Variants in IQGAP2 observed in about 807,000 individuals in gnomAD.
IQGAP2 encodes IQ motif containing GTPase activating protein 2.
In IQGAP2, 173 loss-of-function variants were observed where a neutral mutation model predicts 201.3. The ratio of observed to expected loss-of-function variants is 0.86; its 90% CI spans 0.76 to 0.98. The LOEUF (loss-of-function observed/expected upper bound fraction) is 0.98, where lower values mean the gene tolerates loss of function less well. Ranked by LOEUF, IQGAP2 falls within the 50% of genes least tolerant of loss-of-function variation. The probability of loss-of-function intolerance (pLI) is 0.00; values close to 1 mark genes in which losing one functional copy is unlikely to be tolerated. For missense variants in IQGAP2, 1,687 were observed against 1,864.8 expected (o/e 0.90, Z 1.76); for synonymous variants, 675 against 673.9 (o/e 1.00, Z -0.03).
At chr5:76,461,532 G>T in intron 1 of IQGAP2, 38 bp from the exon 2 acceptor site, 1 of 1,444,752 alleles carries the variant, frequency 6.9e-7, no homozygotes, top group Non-Finnish European at 9.7e-7. Flanking sequence ...AATGAAGACT[G>T]CCTTTGTAAA....
Position 76,546,453 on chromosome 5 carries a change from A to C in IQGAP2, c.147-15943A>C, listed in dbSNP as rs1743101198. ...CCATTTCAAAAAAACAAAACAATAC[A>C]CCACTTTTTATTTGTAGTGCACTAT... On this transcript the variant is annotated intron_variant, in intron 2 of 35. Transcript: ENST00000274364. Among the ~76,000 whole-genome samples the C allele has an allele frequency of 4.0e-5, 6 of 151,688 alleles. 1 individual carries two copies. The South Asian group carries it at 1.3e-3, about 32-fold the overall frequency.
chr5:76,587,939 C>CT (rs1746364413), intron 5 of IQGAP2, among the ~76,000 whole-genome samples: 2 of 145,390 alleles, frequency 1.4e-5, no homozygotes, highest in African/African-American at 5.1e-5. Context: ...GAGCAAGACT[C>CT]TGTCTCAACC....
intron 1 of IQGAP2, among the ~76,000 whole-genome samples, chr5:76,430,619 G>T (rs946985801): frequency 1.3e-5 from 2 of 152,144 alleles, no homozygotes; most frequent in Non-Finnish European, 2.9e-5. Context: ...GCTATTGCAC[G>T]TCTCCCCAGA....
intron 20 of IQGAP2, among the ~76,000 whole-genome samples, chr5:76,657,485 T>C (rs1561558473): frequency 6.6e-6 from 1 of 152,240 alleles, no homozygotes. Context: ...TTAGTTTTCT[T>C]ACTCCTTTAG....
chr5:76,483,863 C>T (rs1365574861), intron 2 of IQGAP2, among the ~76,000 whole-genome samples: 1 of 152,182 alleles, frequency 6.6e-6, no homozygotes, highest in Admixed American at 6.5e-5. Context: ...ACAGACAGCT[C>T]CTTAGCCTCT....
rs1554058994 is a variant in IQGAP2, at chr5:76,471,373, A to AACC, written c.146+9705_146+9706insCCA. Among the ~76,000 whole-genome samples, 152 of 107,538 alleles carry AACC rather than the reference A, an allele frequency of 1.4e-3. 1 individual carries two copies. The highest frequency in any genetic ancestry group is 4.8e-3 in the African/African-American group (145 of 30,286). The allele number at this position is 107,538 out of a possible 152,430, so 70.5% of individuals were successfully genotyped here. ...CTGAAAATAAACTAAGCAAAAAAAA[A>AACC]AAAAAAAAAAAAACACCCTTCCCTT... is the stretch of plus-strand genomic sequence containing the variant. On this transcript the variant is annotated intron_variant, in intron 2 of 35. Transcript: ENST00000274364.
At chr5:76,504,895 T>C (rs1373175325) in intron 2 of IQGAP2, among the ~76,000 whole-genome samples, 2 of 152,200 alleles carry the variant, frequency 1.3e-5, no homozygotes, top group Non-Finnish European at 2.9e-5. Flanking sequence ...CTCACTAGCC[T>C]GATTTCCAGC....
chr5:76,535,285 C>G (rs1202201873), intron 2 of IQGAP2, among the ~76,000 whole-genome samples: 1 of 151,884 alleles, frequency 6.6e-6, no homozygotes, highest in African/African-American at 2.4e-5. Flanking sequence ...TGCAGTGATA[C>G]AGGTGAGGGA....
intron 17 of IQGAP2, among the ~76,000 whole-genome samples, chr5:76,644,315 T>TTTTTTTTTTTTTTTTTTTTTTTTTTA (rs1751853548): frequency 7.5e-6 from 1 of 133,252 alleles, no homozygotes. Context: ...TTTTTTTTTT[T>TTTTTTTTTTTTTTTTTTTTTTTTTTA]TTGAGACAGA....
chr5:76,707,535 G>C lies in IQGAP2; in HGVS notation c.*222G>C, dbSNP rs968226236. The stretch of plus-strand genomic sequence containing the variant: ...GAATTAATGGAAACATATCCACACT[G>C]TACTGTGATATAGGTACTCTGATTT... On this transcript the variant is annotated 3_prime_UTR_variant, in exon 36 of 36. Transcript: ENST00000274364. 8.2e-6 allele frequency: 4 copies of C among 485,164 alleles called. No individual in the cohort carries two copies. Among genetic ancestry groups the C allele is most frequent in the Non-Finnish European group, 1.5e-5 (4 of 274,496 alleles). 30.1% of individuals were successfully genotyped at this position (485,164 alleles called of 1,614,324 possible).
intron 4 of IQGAP2, among the ~76,000 whole-genome samples, chr5:76,575,036 C>T (rs1273944832): frequency 1.3e-5 from 2 of 152,054 alleles, no homozygotes; most frequent in African/African-American, 4.8e-5. Context: ...TTTGTTTTCA[C>T]ATGCACACAT....
At chr5:76,564,450 G>T (rs568118476) in intron 3 of IQGAP2, among the ~76,000 whole-genome samples, 2 of 152,320 alleles carry the variant, frequency 1.3e-5, no homozygotes, top group African/African-American at 4.8e-5. Flanking sequence ...TGAGAATCAG[G>T]CTGGGAAGAC....
At chr5:76,504,424 C>G (rs1050636996) in intron 2 of IQGAP2, among the ~76,000 whole-genome samples, 2 of 152,164 alleles carry the variant, frequency 1.3e-5, no homozygotes, top group African/African-American at 4.8e-5. Flanking sequence ...CACTCTCCCT[C>G]CATTTGTGTT....
chr5:76,426,053 T>C lies in IQGAP2; in HGVS notation c.46+22462T>C, dbSNP rs890474316. On this transcript the variant is annotated intron_variant, in intron 1 of 35. Transcript: ENST00000274364. ...GGATTAGAATGTGTTTGCGCAGTTC[T>C]GGGTTTCCCTTCATCGGCATCCAGT... Among the ~76,000 whole-genome samples the C allele has an allele frequency of 2.0e-5, 3 of 152,222 alleles. No individual in the cohort carries two copies. The South Asian group carries it at 6.2e-4, about 32-fold the overall frequency.
At chr5:76,658,402 T>G (rs1742945087) in intron 20 of IQGAP2, 57 bp from the exon 21 acceptor site, 3 of 1,358,030 alleles carry the variant, frequency 2.2e-6, no homozygotes. Flanking sequence ...GTTTCTTTCC[T>G]GTTGATAATC....
At chr5:76,611,282 C>T in intron 13 of IQGAP2, 99 bp downstream of exon 13, 1 of 802,144 alleles carries the variant, frequency 1.2e-6, no homozygotes, top group South Asian at 2.1e-5. Context: ...ATCTCATGAG[C>T]TTCTTGTCCC....
At chr5:76,605,674 T>C (rs555281384) in intron 11 of IQGAP2, among the ~76,000 whole-genome samples, 15 of 152,360 alleles carry the variant, frequency 9.8e-5, no homozygotes, top group African/African-American at 3.6e-4. Flanking sequence ...CTCAGTGTCA[T>C]ATTAGGCCTC....
intron 2 of IQGAP2, among the ~76,000 whole-genome samples, chr5:76,536,065 C>CTTTTTTTTTTTT (rs545584812): frequency 1.6e-5 from 2 of 123,744 alleles, no homozygotes; most frequent in African/African-American, 3.1e-5. Flanking sequence ...GGAGCATATT[C>CTTTTTTTTTTTT]TTTTTTTTTT....
chr5:76,621,973 C>T (rs1749724668), intron 13 of IQGAP2, among the ~76,000 whole-genome samples: 1 of 152,114 alleles, frequency 6.6e-6, no homozygotes, highest in African/African-American at 2.4e-5. Flanking sequence ...AGTAAAGCCC[C>T]TTCCTCATCC....
Sources: allele counts gnomAD v4.1 joint callset (sites outside exome capture counted in the v4.1 genomes callset), GRCh38; gene constraint gnomAD v4.1.1; transcripts MANE v1.5; gene names NCBI Gene and HGNC (gene_info 2026-07-23, HGNC 2026-07-21).